The following OSBPL1A variants were observed in gnomAD, a reference collection of about 807,000 sequenced individuals.
OSBPL1A encodes the protein oxysterol-binding protein-related protein 1.
Under a neutral mutation model 137.1 loss-of-function variants are expected in OSBPL1A, and 80 were observed. That is an observed-to-expected ratio of 0.58 (90% CI 0.49 to 0.70). The LOEUF (loss-of-function observed/expected upper bound fraction) is 0.70. Ranked by LOEUF, OSBPL1A falls within the 30% of genes least tolerant of loss-of-function variation. The probability of loss-of-function intolerance (pLI) is 0.00; values close to 1 mark genes in which losing one functional copy is unlikely to be tolerated. For synonymous variants in OSBPL1A, 365 were observed against 389.7 expected, an observed-to-expected ratio of 0.94 and a Z score of 0.75; for missense variants, 970 against 1,129.4, an observed-to-expected ratio of 0.86 and a Z score of 2.02.
chr18:24,185,545 T>A (rs149258889), intron 18 of OSBPL1A, among the ~76,000 whole-genome samples: 1 of 152,022 alleles, frequency 6.6e-6, no homozygotes, highest in African/African-American at 2.4e-5. Flanking sequence ...GGTCTTGAAC[T>A]CCTGACCTCG....
intron 2 of OSBPL1A, among the ~76,000 whole-genome samples, chr18:24,369,870 G>C (rs1905478879): frequency 1.3e-5 from 2 of 152,080 alleles, no homozygotes; most frequent in African/African-American, 4.8e-5. Flanking sequence ...CTTCAGGTGG[G>C]GTCCCCCATC....
rs1023676852 is a variant in OSBPL1A, at chr18:24,172,432, G to T, written c.2145C>A (p.Ile715=). 8.1e-6 allele frequency: 13 copies of T among 1,614,064 alleles called. No individual in the cohort carries two copies. The highest frequency in any genetic ancestry group is 1.1e-5 in the Non-Finnish European group (13 of 1,179,984). Reference sequence around the variant, plus strand: ...GTTCGATCCACAGTTTACCCACAATGATATTATGCACACAGCAGGTGGGAT... The same window carrying T: ...GTTCGATCCACAGTTTACCCACAATTATATTATGCACACAGCAGGTGGGAT... The part of the protein sequence containing the change: ...WTNPTCCVHN[I]IVGKLWIEQY... The change falls in exon 22 of 28, where the codon ATC becomes ATA. Residue 715 remains isoleucine, a synonymous_variant. Transcript: ENST00000319481.
intron 16 of OSBPL1A, among the ~76,000 whole-genome samples, chr18:24,225,833 A>G (rs1253196320): frequency 1.3e-5 from 2 of 152,026 alleles, no homozygotes; most frequent in African/African-American, 4.8e-5. Flanking sequence ...ACAGCCAGGT[A>G]TGGTGGTGTG....
At chr18:24,290,166 C>T (rs558433477) in intron 14 of OSBPL1A, among the ~76,000 whole-genome samples, 76 of 152,130 alleles carry the variant, frequency 5.0e-4, no homozygotes, top group African/African-American at 1.7e-3. Flanking sequence ...ACCTAGCAGA[C>T]TAGGCTGATG....
chr18:24,271,082 C>T lies in OSBPL1A; in HGVS notation c.1281+9760G>A, dbSNP rs1024995679. ...AGTAATCAAAAATCCTTAATCAAAA[C>T]ATTAAAGTTAAAAGCCACCTCCCCA... On this transcript the variant is annotated intron_variant, in intron 15 of 27. Coordinates refer to ENST00000319481, the MANE Select transcript of OSBPL1A (RefSeq NM_080597.4). The surrounding 1 kb of genome is among the most constrained non-coding windows in gnomAD (Gnocchi z 4.0). Among the ~76,000 whole-genome samples the T allele has an allele frequency of 1.3e-5, 2 of 152,144 alleles. No individual in the cohort carries two copies. The highest frequency in any genetic ancestry group is 1.3e-4 in the Admixed American group (2 of 15,272).
intron 12 of OSBPL1A, among the ~76,000 whole-genome samples, chr18:24,312,993 A>G (rs906166346): frequency 6.6e-5 from 10 of 151,240 alleles, no homozygotes; most frequent in Admixed American, 5.9e-4. Context: ...GCATGGTGGT[A>G]CATGCCTGTA....
chr18:24,350,397 C>T (rs1021083158), intron 4 of OSBPL1A, among the ~76,000 whole-genome samples: 3 of 152,144 alleles, frequency 2.0e-5, no homozygotes, highest in South Asian at 2.1e-4. Context: ...TTTTAGGTTA[C>T]AGAGAAATAA....
At chr18:24,339,742 A>G (rs1322837999) in intron 5 of OSBPL1A, among the ~76,000 whole-genome samples, 1 of 152,172 alleles carries the variant, frequency 6.6e-6, no homozygotes. Context: ...TATGTTCTCC[A>G]CGTTACTAAA....
intron 15 of OSBPL1A, among the ~76,000 whole-genome samples, chr18:24,265,382 A>C (rs1292254708): frequency 6.6e-6 from 1 of 152,212 alleles, no homozygotes; most frequent in Non-Finnish European, 1.5e-5. Flanking sequence ...TGGGATGCTG[A>C]GACAGGAGAA....
At chr18:24,328,351 C>T (rs1378857828) in intron 7 of OSBPL1A, among the ~76,000 whole-genome samples, 1 of 150,368 alleles carries the variant, frequency 6.7e-6, no homozygotes, top group African/African-American at 2.4e-5. Flanking sequence ...TGAGTCACTG[C>T]ACCTGGCCAA....
intron 15 of OSBPL1A, among the ~76,000 whole-genome samples, chr18:24,280,237 G>T (rs373322758): frequency 1.3e-5 from 2 of 152,052 alleles, no homozygotes; most frequent in Non-Finnish European, 2.9e-5. Context: ...GAGCCACCAC[G>T]CCTGGCCTAA....
intron 16 of OSBPL1A, among the ~76,000 whole-genome samples, chr18:24,234,554 C>T (rs1051400218): frequency 6.6e-6 from 1 of 152,146 alleles, no homozygotes; most frequent in Non-Finnish European, 1.5e-5. Context: ...TGGAAAAATT[C>T]CTCTCTTACA....
At chr18:24,279,813 A>C (rs1260803283) in intron 15 of OSBPL1A, among the ~76,000 whole-genome samples, 2 of 151,562 alleles carry the variant, frequency 1.3e-5, no homozygotes, top group African/African-American at 4.8e-5. Context: ...TCAGCATACC[A>C]CTCTTACTCA....
At chr18:24,331,852 C>T (rs2091085338) in intron 7 of OSBPL1A, among the ~76,000 whole-genome samples, 1 of 152,112 alleles carries the variant, frequency 6.6e-6, no homozygotes, top group African/African-American at 2.4e-5. Flanking sequence ...CTTGTAATCC[C>T]AAGGTCAATA....
At chr18:24,328,467 G>T (rs917681172) in intron 7 of OSBPL1A, among the ~76,000 whole-genome samples, 1 of 151,998 alleles carries the variant, frequency 6.6e-6, no homozygotes, top group African/African-American at 2.4e-5. Flanking sequence ...ACTTACATGG[G>T]TTGATTTCTG....
chr18:24,269,884 A>ACACACACACACACC (rs1243365419), intron 15 of OSBPL1A, among the ~76,000 whole-genome samples: 3 of 151,198 alleles, frequency 2.0e-5, no homozygotes, highest in African/African-American at 4.9e-5. Flanking sequence ...ACACACACAC[A>ACACACACACACACC]CCATGCTAAT....
At chr18:24,370,007 A>G (rs1319544477) in intron 2 of OSBPL1A, among the ~76,000 whole-genome samples, 1 of 152,302 alleles carries the variant, frequency 6.6e-6, no homozygotes, top group Middle Eastern at 3.4e-3. Flanking sequence ...GGACTGCTTG[A>G]GCCCAGGAGT....
At chr18:24,350,430 T>A (rs963215872) in intron 4 of OSBPL1A, among the ~76,000 whole-genome samples, 1 of 152,128 alleles carries the variant, frequency 6.6e-6, no homozygotes, top group East Asian at 1.9e-4. Context: ...TGTAAGTCAC[T>A]GTATTAGGTT....
chr18:24,300,364 A>T (rs1169504607), intron 14 of OSBPL1A, among the ~76,000 whole-genome samples: 1 of 152,258 alleles, frequency 6.6e-6, no homozygotes, highest in Non-Finnish European at 1.5e-5. Context: ...ATGCCCAGAT[A>T]AGTCTGCATT....
Sources: allele counts gnomAD v4.1 joint callset (sites outside exome capture counted in the v4.1 genomes callset), GRCh38; gene constraint gnomAD v4.1.1; non-coding constraint Gnocchi (gnomAD v3.1); transcripts MANE v1.5; gene names NCBI Gene and HGNC (gene_info 2026-07-23, HGNC 2026-07-21).